PTPRD: variants seen among roughly 807,000 people sequenced by gnomAD.
The protein encoded by PTPRD is receptor-type tyrosine-protein phosphatase delta.
In PTPRD, 34 loss-of-function variants were observed where a neutral mutation model predicts 214.5. The observed-to-expected ratio is 0.16, with a 90% CI of 0.12 to 0.21. PTPRD has a LOEUF of 0.21. PTPRD is among the 10% of genes least tolerant of loss of function. PTPRD has a pLI of 1.00. For missense variants in PTPRD, 2,545 were observed against 2,398.7 expected (o/e 1.06, Z -1.27); for synonymous variants, 1,128 against 845.7 (o/e 1.33, Z -5.79).
intron 3 of PTPRD, among the ~76,000 whole-genome samples, chr9:10,255,208 A>G (rs1192078101): frequency 1.3e-5 from 2 of 152,196 alleles, no homozygotes; most frequent in South Asian, 2.1e-4. Flanking sequence ...AGGGGGATAC[A>G]TTCTGAGAAA....
chr9:10,294,095 T>C (rs16925743), intron 3 of PTPRD, among the ~76,000 whole-genome samples: 4,545 of 152,048 alleles, frequency 0.03, 301 homozygotes, highest in Admixed American at 0.16. Flanking sequence ...TATGAAACAT[T>C]TGGCTGAATT....
intron 2 of PTPRD, among the ~76,000 whole-genome samples, chr9:10,552,871 C>A (rs544205666): frequency 1.3e-5 from 2 of 152,168 alleles, no homozygotes; most frequent in East Asian, 3.9e-4. Flanking sequence ...GAAACCTATT[C>A]TTGTCCTAAA....
At position 8,476,242 on chromosome 9, in the gene PTPRD, T is replaced by C. The variant is rs116062599; in HGVS notation, c.3414-5157A>G. On this transcript the variant is annotated intron_variant, in intron 30 of 45. Transcript: ENST00000381196. ...CAGATCATCAGGCATTAGATTCTCATAAAGAGCCGGCAACCTAAATCCCTC... is the reference window on the plus strand; with the variant it reads ...CAGATCATCAGGCATTAGATTCTCACAAAGAGCCGGCAACCTAAATCCCTC... 2.8e-3 allele frequency among the ~76,000 whole-genome samples: 434 copies of C among 152,282 alleles called. 3 individuals are homozygous for C. Among genetic ancestry groups the C allele is most frequent in the African/African-American group, 0.01 (417 of 41,556 alleles).
At chr9:10,170,000 A>G (rs187890391) in intron 3 of PTPRD, among the ~76,000 whole-genome samples, 151 of 152,044 alleles carry the variant, frequency 9.9e-4, no homozygotes, top group African/African-American at 3.5e-3. Context: ...TCTCAATATG[A>G]TACTCTCTTA....
Position 10,396,367 on chromosome 9 carries a change from A to T in PTPRD, c.-599-55350T>A, listed in dbSNP as rs907600833. On this transcript the variant is annotated intron_variant, in intron 2 of 45. Transcript: ENST00000381196. Reference sequence around the variant, plus strand: ...GGTAGCCTGCGGGAGCTGGCTTGGCAATAGACCATGTAATTCTTCAGGATC... The same window carrying T: ...GGTAGCCTGCGGGAGCTGGCTTGGCTATAGACCATGTAATTCTTCAGGATC... 8.0e-4 allele frequency among the ~76,000 whole-genome samples: 121 copies of T among 152,084 alleles called. 2 individuals carry two copies. Among genetic ancestry groups the T allele is most frequent in the Admixed American group, 7.9e-4 (12 of 15,242 alleles).
chr9:9,867,814 A>T (rs1025945057), intron 5 of PTPRD, among the ~76,000 whole-genome samples: 1 of 152,184 alleles, frequency 6.6e-6, no homozygotes, highest in Non-Finnish European at 1.5e-5. Flanking sequence ...GTATAAAAGC[A>T]TGGCAACCAG....
At chr9:8,747,989 C>G (rs1000499088) in intron 11 of PTPRD, among the ~76,000 whole-genome samples, 6 of 152,176 alleles carry the variant, frequency 3.9e-5, no homozygotes, top group African/African-American at 1.4e-4. Flanking sequence ...AATGGAGCCA[C>G]AGATGCAGTC....
At chr9:8,908,105 C>A (rs988474206) in intron 11 of PTPRD, among the ~76,000 whole-genome samples, 2 of 152,126 alleles carry the variant, frequency 1.3e-5, no homozygotes, top group Non-Finnish European at 2.9e-5. Flanking sequence ...TAATAGCTGA[C>A]TTTTTATTAC....
At chr9:9,120,602 C>T (rs563347241) in intron 10 of PTPRD, among the ~76,000 whole-genome samples, 20 of 152,252 alleles carry the variant, frequency 1.3e-4, no homozygotes, top group African/African-American at 2.6e-4. Context: ...AAGCTACCTG[C>T]GTAAGTGGTT....
At chr9:8,740,146 C>G (rs548067084) in intron 11 of PTPRD, among the ~76,000 whole-genome samples, 1 of 152,090 alleles carries the variant, frequency 6.6e-6, no homozygotes, top group Admixed American at 6.6e-5. Context: ...TATGACCAAA[C>G]TACCCTGAAC....
In PTPRD at chr9:10,268,310, AT is replaced by A. The variant is rs2094208526; in HGVS notation, c.-545+72652del. On this transcript the variant is annotated intron_variant, in intron 3 of 45. Transcript: ENST00000381196. ...GTTGCTATAAATAATAATAATAATAATAATAATAACGATAATAATAATAATA... is the reference window on the plus strand; with the variant it reads ...GTTGCTATAAATAATAATAATAATAAAATAATAACGATAATAATAATAATA... Among the ~76,000 whole-genome samples, 4 of 149,500 alleles carry A rather than the reference AT, an allele frequency of 2.7e-5. No homozygotes were observed. In the South Asian group the frequency reaches 8.4e-4, roughly 31 times the overall value.
At chr9:9,366,494 G>A (rs1487195561) in intron 9 of PTPRD, among the ~76,000 whole-genome samples, 1 of 151,478 alleles carries the variant, frequency 6.6e-6, no homozygotes, top group East Asian at 1.9e-4. Context: ...TGAGATTACT[G>A]AAATTCAGCA....
intron 11 of PTPRD, among the ~76,000 whole-genome samples, chr9:8,816,257 G>T (rs746787482): frequency 6.6e-6 from 1 of 152,174 alleles, no homozygotes; most frequent in African/African-American, 2.4e-5. Context: ...TATGATCATT[G>T]GTCTAGATTC....
At chr9:9,990,372 T>C (rs2095871073) in intron 4 of PTPRD, among the ~76,000 whole-genome samples, 1 of 152,248 alleles carries the variant, frequency 6.6e-6, no homozygotes, top group Admixed American at 6.5e-5. Flanking sequence ...GATGTGCAGT[T>C]CAGAACAATG....
intron 3 of PTPRD, among the ~76,000 whole-genome samples, chr9:10,281,433 T>C (rs760668651): frequency 4.6e-5 from 7 of 151,338 alleles, no homozygotes; most frequent in Non-Finnish European, 8.8e-5. Context: ...TGCTTTGCTT[T>C]ATGGAAATGT....
At chr9:9,230,044 T>A (rs2099962088) in intron 9 of PTPRD, among the ~76,000 whole-genome samples, 2 of 152,192 alleles carry the variant, frequency 1.3e-5, no homozygotes, top group South Asian at 4.1e-4. Context: ...GTTTTCATGT[T>A]AAATTAACTC....
At chr9:9,330,325 T>C (rs766917087) in intron 9 of PTPRD, among the ~76,000 whole-genome samples, 12 of 152,164 alleles carry the variant, frequency 7.9e-5, no homozygotes, top group Non-Finnish European at 1.8e-4. Flanking sequence ...GAACCTCTGA[T>C]TGAAGCTGTA....
At chr9:10,447,365 A>C (rs1231937076) in intron 2 of PTPRD, among the ~76,000 whole-genome samples, 1 of 151,984 alleles carries the variant, frequency 6.6e-6, no homozygotes, top group East Asian at 1.9e-4. Context: ...ATCTTCCTTG[A>C]TTGAAGGTAC....
intron 11 of PTPRD, among the ~76,000 whole-genome samples, chr9:8,863,982 G>C (rs11794180): frequency 0.15 from 23,021 of 152,080 alleles, 2,000 homozygotes; most frequent in East Asian, 0.27. Context: ...AGATTAAGAA[G>C]TCACCAGAAA....
Sources: gnomAD v4.1 joint callset for allele counts (sites outside exome capture counted in the v4.1 genomes callset) on GRCh38, gnomAD v4.1.1 for gene constraint, MANE v1.5 for transcripts, NCBI Gene and HGNC (gene_info 2026-07-23, HGNC 2026-07-21) for gene names.